CLVS1: variants seen among roughly 807,000 people sequenced by gnomAD.
CLVS1 encodes the protein clavesin 1, also known as clavesin-1.
A neutral mutation model predicts 33.1 loss-of-function variants in CLVS1; 10 were observed. The observed-to-expected ratio is 0.30, with a 90% CI of 0.19 to 0.51. The LOEUF (loss-of-function observed/expected upper bound fraction) is 0.51. CLVS1 is among the 20% of genes least tolerant of loss of function. CLVS1 has a pLI of 0.97. For synonymous variants in CLVS1, 163 were observed against 166.1 expected (o/e 0.98, Z 0.14); for missense variants, 343 against 433.4 (o/e 0.79, Z 1.85).
At position 61,500,384 on chromosome 8, in the gene CLVS1, A is replaced by G. The variant is rs1434111277; in HGVS notation, c.*842A>G. On this transcript the variant is annotated 3_prime_UTR_variant, in exon 6 of 6. Coordinates refer to ENST00000325897, the MANE Select transcript of CLVS1 (RefSeq NM_173519.3). ...CTCAACTGGGTCACTACAGCAAAGA[A>G]AAGTGCTATCAAACCATTTACCCTT... The G allele has an allele frequency of 6.6e-6, 1 of 152,002 alleles. No homozygotes were observed. The highest frequency in any genetic ancestry group is 1.5e-5 in the Non-Finnish European group (1 of 67,924). 9.4% of individuals were successfully genotyped at this position (152,002 alleles called of 1,614,324 possible). A position where few individuals can be genotyped will look rare whatever the true frequency, so the allele number is the denominator to read the frequency against.
chr8:61,275,303 C>A (rs1809540027), intron 2 of CLVS1, among the ~76,000 whole-genome samples: 1 of 152,100 alleles, frequency 6.6e-6, no homozygotes, highest in Admixed American at 6.5e-5. Flanking sequence ...TGCTACCTGC[C>A]TGGCACCTAG....
At position 61,483,109 on chromosome 8, in the gene CLVS1, G is replaced by C. The variant is rs575518286; in HGVS notation, c.978-16346G>C. On this transcript the variant is annotated intron_variant, in intron 5 of 5. Coordinates refer to ENST00000325897, the MANE Select transcript of CLVS1 (RefSeq NM_173519.3). The stretch of plus-strand genomic sequence containing the variant: ...CTAAGATCAGAGCAGAACTGAAGGC[G>C]ATAGAGACACAAAAGATCCTTCAAA... Among the ~76,000 whole-genome samples the C allele has an allele frequency of 5.9e-5, 9 of 152,242 alleles. No homozygotes were observed. In the South Asian group the frequency reaches 8.3e-4, roughly 14 times the overall value.
At chr8:61,173,032 G>T (rs764729474) in intron 2 of CLVS1, among the ~76,000 whole-genome samples, 45 of 152,168 alleles carry the variant, frequency 3.0e-4, no homozygotes, top group Non-Finnish European at 5.1e-4. Context: ...ATAGTGAACA[G>T]GTTTTGTGGC....
intron 5 of CLVS1, among the ~76,000 whole-genome samples, chr8:61,464,080 C>T (rs1817464292): frequency 1.8e-5 from 2 of 114,128 alleles, no homozygotes; most frequent in South Asian, 6.9e-4. Context: ...CAAAGCGAGA[C>T]TCTGTCTCAA....
At chr8:61,381,355 G>C (rs923459058) in intron 3 of CLVS1, among the ~76,000 whole-genome samples, 1 of 152,110 alleles carries the variant, frequency 6.6e-6, no homozygotes, top group African/African-American at 2.4e-5. Context: ...CAGAGGCTTA[G>C]CCAACTGCAA....
intron 2 of CLVS1, among the ~76,000 whole-genome samples, chr8:61,192,572 G>A (rs1180103279): frequency 1.3e-5 from 2 of 152,202 alleles, no homozygotes; most frequent in Non-Finnish European, 1.5e-5. Flanking sequence ...TACCATCAGA[G>A]TGAACAGGCA....
chr8:61,422,185 G>T (rs1412141107), intron 3 of CLVS1, among the ~76,000 whole-genome samples: 1 of 150,686 alleles, frequency 6.6e-6, no homozygotes, highest in Admixed American at 6.6e-5. Context: ...TTAGAAGCAA[G>T]AAAAAAAACT....
At chr8:61,411,920 A>G (rs1423895258) in intron 3 of CLVS1, among the ~76,000 whole-genome samples, 1 of 152,216 alleles carries the variant, frequency 6.6e-6, no homozygotes, top group Non-Finnish European at 1.5e-5. Context: ...GGTCACCCTC[A>G]TCCCTTCCTA....
At chr8:61,291,461 T>C (rs1191046633) in intron 1 of CLVS1, among the ~76,000 whole-genome samples, 4 of 152,174 alleles carry the variant, frequency 2.6e-5, no homozygotes, top group African/African-American at 7.2e-5. Flanking sequence ...TTCCATATAT[T>C]TGTGTGTCAT....
chr8:61,044,394 C>T, the CLVS1 span, among the ~76,000 whole-genome samples: 5 of 152,176 alleles, frequency 3.3e-5, 1 homozygote, highest in African/African-American at 4.8e-5. Context: ...TAATCAGCCC[C>T]ACCAAGATAT....
At chr8:61,215,682 ATGTGTGTGTGTGTGTGTGTGTG>A (rs72193127) in intron 2 of CLVS1, among the ~76,000 whole-genome samples, 4 of 143,828 alleles carry the variant, frequency 2.8e-5, no homozygotes, top group Admixed American at 2.1e-4. Context: ...GAAATTGAAA[ATGTGTGTGTGTGTGTGTGTGTG>A]TGTGTGTGTG....
rs567764308 is a variant in CLVS1 at position 61,145,764 on chromosome 8, G to C, written c.-152+13904G>C. 9.2e-5 allele frequency among the ~76,000 whole-genome samples: 14 copies of C among 152,308 alleles called. No individual in the cohort carries two copies. The East Asian group carries it at 2.7e-3, about 29-fold the overall frequency. ...GCTGCTGGAAACGATTGTGGTCAGT[G>C]GATATGGGCAGTTATGATGTCGTCT... On this transcript the variant is annotated intron_variant, in intron 2 of 2. Coordinates refer to the CLVS1 transcript ENST00000522621.
In CLVS1 at chr8:61,501,098, CT is replaced by C. The variant is rs1282271744; in HGVS notation, c.*1557del. 1 of 152,000 alleles carries C rather than the reference CT, an allele frequency of 6.6e-6. No individual in the cohort carries two copies. Among genetic ancestry groups the C allele is most frequent in the Non-Finnish European group, 1.5e-5 (1 of 67,982 alleles). The allele number at this position is 152,000 out of a possible 1,614,324, so 9.4% of individuals were successfully genotyped here. ...CAACTGTATCACAATATAAATTAAA[CT>C]AATTCATTTTTGTGTAGACATACGA... is the stretch of plus-strand genomic sequence containing the variant. On this transcript the variant is annotated 3_prime_UTR_variant, in exon 6 of 6. Coordinates refer to ENST00000325897, the MANE Select transcript of CLVS1 (RefSeq NM_173519.3).
intron 1 of CLVS1, among the ~76,000 whole-genome samples, chr8:61,065,472 C>T (rs4738860): frequency 0.56 from 85,200 of 151,936 alleles, 26,694 homozygotes; most frequent in African/African-American, 0.84. Context: ...CTGTAACCCA[C>T]ATAAAAGGTG....
intron 1 of CLVS1, among the ~76,000 whole-genome samples, chr8:61,297,875 G>C (rs933210570): frequency 6.6e-6 from 1 of 152,164 alleles, no homozygotes; most frequent in African/African-American, 2.4e-5. Flanking sequence ...ATCAAATATT[G>C]AGAAAGCTCA....
At chr8:61,419,852 C>T (rs1436875050) in intron 3 of CLVS1, among the ~76,000 whole-genome samples, 1 of 152,212 alleles carries the variant, frequency 6.6e-6, no homozygotes, top group African/African-American at 2.4e-5. Context: ...GACATGACAT[C>T]CAAAGGGTCC....
chr8:61,052,315 C>A (rs917119202), upstream of CLVS1, among the ~76,000 whole-genome samples: 3 of 152,054 alleles, frequency 2.0e-5, no homozygotes, highest in South Asian at 2.1e-4. Context: ...ATAAGTAAAA[C>A]GATGTTTAAA....
intron 2 of CLVS1, among the ~76,000 whole-genome samples, chr8:61,213,871 T>A (rs1220109402): frequency 2.0e-5 from 3 of 152,188 alleles, no homozygotes; most frequent in African/African-American, 4.8e-5. Flanking sequence ...GCCATATTTC[T>A]CTTCTTTCAA....
intron 2 of CLVS1, among the ~76,000 whole-genome samples, chr8:61,337,793 G>C (rs1246824828): frequency 1.6e-4 from 24 of 152,180 alleles, no homozygotes; most frequent in Admixed American, 1.6e-3. Context: ...GGCAGGGCGG[G>C]GGTCTAGATT....
Sources: allele counts gnomAD v4.1 joint callset (sites outside exome capture counted in the v4.1 genomes callset), GRCh38; gene constraint gnomAD v4.1.1; transcripts MANE v1.5; gene names NCBI Gene and HGNC (gene_info 2026-07-23, HGNC 2026-07-21).